The following ZNF66 variants were observed in gnomAD, a reference collection of about 807,000 sequenced individuals.
ZNF66 encodes the protein putative zinc finger protein 66.
ZNF66 carries 32 observed loss-of-function variants against 35.2 expected under a neutral mutation model. The observed-to-expected ratio is 0.91, with a 90% confidence interval of 0.69 to 1.22. The LOEUF (loss-of-function observed/expected upper bound fraction) is 1.22. Among genes scored for constraint, ZNF66 ranks in the 50% most tolerant of loss-of-function variants. ZNF66 has a pLI of 0.00. For synonymous variants in ZNF66, 231 were observed against 181.3 expected (o/e 1.27, Z -2.20); for missense variants, 666 against 543.1 (o/e 1.23, Z -2.25).
At chr19:20,782,260 T>G (rs1971251873) in intron 1 of ZNF66, among the ~76,000 whole-genome samples, 1 of 152,232 alleles carries the variant, frequency 6.6e-6, no homozygotes, top group Non-Finnish European at 1.5e-5. Context: ...ATATTTTCTT[T>G]ACCCAGTCTA....
At chr19:20,800,223 C>G (rs1350443565) in intron 3 of ZNF66, among the ~76,000 whole-genome samples, 4 of 152,120 alleles carry the variant, frequency 2.6e-5, no homozygotes, top group Admixed American at 2.6e-4. Flanking sequence ...CACTATTTTG[C>G]CCAGGCTGGT....
chr19:20,806,823 A>T lies in ZNF66; in HGVS notation c.1223A>T (p.His408Leu). ...GAAGAATGTGGCAAAGTGTTTAAGC[A>T]CTCCTCTCCCCTTTCTAAACATAAG... ...KCEECGKVFK[H>L]SSPLSKHKRI... Residue 408 changes from histidine (H) to leucine (L), a missense_variant, in exon 4 of 4, where the codon CAC (histidine) becomes CTC (leucine). Coordinates refer to ENST00000344519, the MANE Select transcript of ZNF66 (RefSeq NM_001355197.2). 7.8e-7 allele frequency: 1 copy of T among 1,277,856 alleles called. No individual in the cohort carries two copies. Among genetic ancestry groups the T allele is most frequent in the Non-Finnish European group, 1.1e-6 (1 of 879,638 alleles). 79.2% of individuals were successfully genotyped at this position (1,277,856 alleles called of 1,614,324 possible).
chr19:20,809,772 C>A lies in ZNF66; in HGVS notation c.*2450C>A, dbSNP rs550657114. Among the ~76,000 whole-genome samples, 2 of 152,020 alleles carry A rather than the reference C, an allele frequency of 1.3e-5. No homozygotes were observed. The highest frequency in any genetic ancestry group is 2.4e-5 in the African/African-American group (1 of 41,466). The stretch of plus-strand genomic sequence containing the variant: ...CGAGACTAGGAAGAAACTGCATGAA[C>A]TAACGAGCAAAATAACCAGCTAACA... On this transcript the variant is annotated 3_prime_UTR_variant, in exon 4 of 4. Coordinates refer to ENST00000344519, the MANE Select transcript of ZNF66 (RefSeq NM_001355197.2).
chr19:20,785,667 T>G (rs1238336575), intron 1 of ZNF66, among the ~76,000 whole-genome samples: 1 of 152,196 alleles, frequency 6.6e-6, no homozygotes, highest in Admixed American at 6.5e-5. Context: ...AAAGCCATTT[T>G]CTTTCTCTGG....
intron 3 of ZNF66, among the ~76,000 whole-genome samples, chr19:20,803,309 GTC>G (rs994696831): frequency 1.0e-5 from 1 of 99,242 alleles, no homozygotes; most frequent in African/African-American, 3.3e-5. Context: ...TTCTCTTTCT[GTC>G]TTTTTTTTTT....
intron 3 of ZNF66, among the ~76,000 whole-genome samples, chr19:20,796,027 A>G (rs1971388702): frequency 6.6e-6 from 1 of 152,042 alleles, no homozygotes; most frequent in Non-Finnish European, 1.5e-5. Flanking sequence ...AGCATTTCAC[A>G]ACTCCCTCCC....
intron 3 of ZNF66, among the ~76,000 whole-genome samples, chr19:20,799,912 C>T (rs896089044): frequency 7.9e-5 from 12 of 152,158 alleles, no homozygotes; most frequent in Non-Finnish European, 1.6e-4. Flanking sequence ...GAGTGTGTTT[C>T]ATATTCACAT....
At position 20,806,787 on chromosome 19, in the gene ZNF66, C is replaced by T. The variant is rs1481759656; in HGVS notation, c.1187C>T (p.Pro396Leu). The T allele has an allele frequency of 1.5e-6, 2 of 1,318,634 alleles. No homozygotes were observed. The highest frequency in any genetic ancestry group is 2.2e-6 in the Non-Finnish European group (2 of 913,950). 81.7% of individuals were successfully genotyped at this position (1,318,634 alleles called of 1,614,324 possible). The change falls in exon 4 of 4, where the codon CCT becomes CTT. Residue 396 changes from proline to leucine, a missense_variant. Physicochemically the swap from Pro to Leu is moderately conservative, Grantham distance 98. Coordinates refer to ENST00000344519, the MANE Select transcript of ZNF66 (RefSeq NM_001355197.2). ...AHKIIHTGKK[P>L]YKCEECGKVF... Reference sequence around the variant, plus strand: ...AAGATAATTCATACTGGAAAGAAACCTTACAAATGTGAAGAATGTGGCAAA... The same window carrying T: ...AAGATAATTCATACTGGAAAGAAACTTTACAAATGTGAAGAATGTGGCAAA...
chr19:20,808,511 G>A lies in ZNF66; in HGVS notation c.*1189G>A, dbSNP rs527702063. 6.6e-5 allele frequency among the ~76,000 whole-genome samples: 10 copies of A among 152,202 alleles called. No individual in the cohort carries two copies. The highest frequency in any genetic ancestry group is 2.4e-4 in the African/African-American group (10 of 41,534). On this transcript the variant is annotated 3_prime_UTR_variant, in exon 4 of 4. Transcript: ENST00000344519. Reference sequence around the variant, plus strand: ...CCTCATATAAAACTTCCAGAGGACCGATCAGGCAGCAGCATTTGTGGTTCA... The same window carrying A: ...CCTCATATAAAACTTCCAGAGGACCAATCAGGCAGCAGCATTTGTGGTTCA...
chr19:20,800,029 G>A (rs965293595), intron 3 of ZNF66, among the ~76,000 whole-genome samples: 1 of 152,142 alleles, frequency 6.6e-6, no homozygotes, highest in Non-Finnish European at 1.5e-5. Context: ...GTGATTGGTT[G>A]TTGTTTTGAG....
rs765358399 is a variant in ZNF66, at chr19:20,806,244, A to G, written c.644A>G (p.His215Arg). 3.5e-6 allele frequency: 5 copies of G among 1,440,668 alleles called. No individual in the cohort carries two copies. The African/African-American group carries it at 7.0e-5, about 20-fold the overall frequency. 89.2% of individuals were successfully genotyped at this position (1,440,668 alleles called of 1,614,324 possible). Reference protein sequence around the residue: ...ECGKAFNRSSHLTTHKIIHTG... With the variant: ...ECGKAFNRSSRLTTHKIIHTG... Reference sequence around the variant, plus strand: ...GGCAAAGCCTTCAACCGGTCCTCACACCTTACTACACATAAGATAATTCAT... The same window carrying G: ...GGCAAAGCCTTCAACCGGTCCTCACGCCTTACTACACATAAGATAATTCAT... The change falls in exon 4 of 4, where the codon CAC becomes CGC. Residue 215 changes from histidine (H) to arginine (R), a missense_variant. Physicochemically the swap from His to Arg is conservative, Grantham distance 29. Transcript: ENST00000344519.
At position 20,806,167 on chromosome 19, in the gene ZNF66, T is replaced by C. The variant is rs766519857; in HGVS notation, c.567T>C (p.Thr189=). Residue 189 remains threonine, a synonymous_variant, in exon 4 of 4, where the codon ACT becomes ACC. Transcript: ENST00000344519. ...CTTTTAACCGGTCCTCAACCTTTAC[T>C]ACACATAAGAAAATTCATACTGGAG... ...GKAFNRSSTF[T]THKKIHTGEK... The C allele has an allele frequency of 7.9e-7, 1 of 1,271,082 alleles. No homozygotes were observed. The highest frequency in any genetic ancestry group is 1.2e-5 in the South Asian group (1 of 83,272). The allele number at this position is 1,271,082 out of a possible 1,614,324, so 78.7% of individuals were successfully genotyped here.
chr19:20,802,929 T>C (rs1417848149), intron 3 of ZNF66, among the ~76,000 whole-genome samples: 1 of 152,158 alleles, frequency 6.6e-6, no homozygotes, highest in African/African-American at 2.4e-5. Flanking sequence ...AGAATACATA[T>C]ATTGTTTAAA....
rs1170225233 is a variant in ZNF66 at position 20,794,092 on chromosome 19, C to G, written c.226+214C>G. 2.5e-5 allele frequency: 14 copies of G among 569,138 alleles called. No individual in the cohort carries two copies. The South Asian group carries it at 2.8e-4, about 11-fold the overall frequency. The allele number at this position is 569,138 out of a possible 1,614,324, so 35.3% of individuals were successfully genotyped here. On this transcript the variant is annotated intron_variant, in intron 3 of 3. Transcript: ENST00000344519. ...TATGCTTCTAAATTCTCTAAAAATT[C>G]TACTTTTCTCTCAGTGAGCTTCCTT...
At position 20,806,655 on chromosome 19, in the gene ZNF66, A is replaced by T. The variant is rs182215392; in HGVS notation, c.1055A>T (p.Tyr352Phe). ...KCEECGKGFKYSSTLTKHKII... is the reference protein window; with the variant it reads ...KCEECGKGFKFSSTLTKHKII... ...GAAGAATGTGGCAAAGGCTTTAAGT[A>T]CTCCTCTACCCTTACTAAACATAAA... The change falls in exon 4 of 4, where the codon TAC (tyrosine) becomes TTC (phenylalanine). Residue 352 changes from tyrosine (Y) to phenylalanine (F), a missense_variant. By Grantham distance (22) the Tyr-to-Phe change is conservative. Coordinates refer to ENST00000344519, the MANE Select transcript of ZNF66 (RefSeq NM_001355197.2). 1 of 1,522,376 alleles carries T rather than the reference A, an allele frequency of 6.6e-7. No homozygotes were observed. Among genetic ancestry groups the T allele is most frequent in the African/African-American group, 1.4e-5 (1 of 71,890 alleles). 94.3% of individuals were successfully genotyped at this position (1,522,376 alleles called of 1,614,324 possible).
At chr19:20,776,957 A>T (rs1027951150) in intron 1 of ZNF66, among the ~76,000 whole-genome samples, 2 of 151,990 alleles carry the variant, frequency 1.3e-5, no homozygotes, top group African/African-American at 4.8e-5. Flanking sequence ...TCTACTAAAA[A>T]TACAAAAATT....
At chr19:20,787,029 G>A (rs1170625484) in intron 1 of ZNF66, among the ~76,000 whole-genome samples, 2 of 152,136 alleles carry the variant, frequency 1.3e-5, no homozygotes, top group Non-Finnish European at 1.5e-5. Context: ...CCAAAGTGCT[G>A]GGATTACAGG....
rs1183813902 is a variant in ZNF66, at chr19:20,808,675, C to A, written c.*1353C>A. On this transcript the variant is annotated 3_prime_UTR_variant, in exon 4 of 4. Coordinates refer to ENST00000344519, the MANE Select transcript of ZNF66 (RefSeq NM_001355197.2). ...GAAAACTAACAAACAGAAAGGACAT[C>A]CACACCAAAAACCCATCTGTACATC... Among the ~76,000 whole-genome samples, 2 of 151,944 alleles carry A rather than the reference C, an allele frequency of 1.3e-5. No homozygotes were observed. The highest frequency in any genetic ancestry group is 2.4e-5 in the African/African-American group (1 of 41,378).
chr19:20,792,620 A>G lies in ZNF66; in HGVS notation c.112A>G (p.Arg38Gly), dbSNP rs1287367420. The G allele has an allele frequency of 1.4e-6, 2 of 1,445,042 alleles. No homozygotes were observed. Among genetic ancestry groups the G allele is most frequent in the East Asian group, 4.6e-5 (2 of 43,500 alleles). The allele number at this position is 1,445,042 out of a possible 1,614,324, so 89.5% of individuals were successfully genotyped here. A position where few individuals can be genotyped will look rare whatever the true frequency, so the allele number is the denominator to read the frequency against. Residue 38 changes from arginine (R) to glycine (G), a missense_variant, in exon 2 of 4, where the codon AGA (arginine) becomes GGA (glycine). Physicochemically the swap from Arg to Gly is moderately radical, Grantham distance 125. Coordinates refer to ENST00000344519, the MANE Select transcript of ZNF66 (RefSeq NM_001355197.2). ...LYRDVMLENY[R>G]NLVFLGIVVS... ...TAGGGATGTGATGTTAGAGAACTAC[A>G]GAAACCTGGTCTTTCTTGGTGAGAA...
Sources: allele counts gnomAD v4.1 joint callset (sites outside exome capture counted in the v4.1 genomes callset), GRCh38; gene constraint gnomAD v4.1.1; transcripts MANE v1.5; gene names NCBI Gene and HGNC (gene_info 2026-07-23, HGNC 2026-07-21).